The following RELN variants were observed in gnomAD, a reference collection of about 807,000 sequenced individuals.
RELN encodes the protein reelin.
Under a neutral mutation model 427.6 loss-of-function variants are expected in RELN, and 108 were observed. The observed-to-expected ratio is 0.25, with a 90% CI of 0.22 to 0.30. The LOEUF (loss-of-function observed/expected upper bound fraction) is 0.30, where lower values mean the gene tolerates loss of function less well. Ranked by LOEUF, RELN falls within the 10% of genes least tolerant of loss-of-function variation. The pLI is 1.00. For synonymous variants in RELN, 1,524 were observed against 1,513.4 expected, an observed-to-expected ratio of 1.01 and a Z score of -0.16; for missense variants, 3,715 against 4,302.8, an observed-to-expected ratio of 0.86 and a Z score of 3.82.
At chr7:103,986,199 C>T (rs1297078916) in intron 1 of RELN, among the ~76,000 whole-genome samples, 2 of 152,008 alleles carry the variant, frequency 1.3e-5, no homozygotes, top group African/African-American at 4.8e-5. Context: ...TCAAAAGAGT[C>T]AGAGATAACA....
chr7:103,907,411 T>A (rs1463554502), intron 2 of RELN, among the ~76,000 whole-genome samples: 1 of 36,186 alleles, frequency 2.8e-5, no homozygotes, highest in African/African-American at 1.1e-4. Flanking sequence ...AGATCAAGGC[T>A]CTGGAAAAAA....
intron 11 of RELN, among the ~76,000 whole-genome samples, chr7:103,662,479 T>C (rs1833164673): frequency 1.3e-5 from 2 of 151,502 alleles, no homozygotes. Context: ...AAAATTAGCT[T>C]GGTGTGGTGG....
At position 103,561,385 on chromosome 7, in the gene RELN, G is replaced by A. The variant is rs362797; in HGVS notation, c.5529+147C>T. Reference sequence around the variant, plus strand: ...GAAAAAATGATTGCACTCAGAAGAGGAAACATGGTTTGGGCTAAAAGTCAA... The same window carrying A: ...GAAAAAATGATTGCACTCAGAAGAGAAAACATGGTTTGGGCTAAAAGTCAA... On this transcript the variant is annotated intron_variant, in intron 36 of 64. Coordinates refer to ENST00000428762, the MANE Select transcript of RELN (RefSeq NM_005045.4). The A allele has an allele frequency of 0.24, 176,185 of 744,238 alleles. 22,012 individuals are homozygous for A. The highest frequency in any genetic ancestry group is 0.31 in the Middle Eastern group (826 of 2,674). 46.1% of individuals were successfully genotyped at this position (744,238 alleles called of 1,614,324 possible).
intron 10 of RELN, among the ~76,000 whole-genome samples, chr7:103,685,690 T>G (rs1833751643): frequency 6.6e-6 from 1 of 152,172 alleles, no homozygotes; most frequent in African/African-American, 2.4e-5. Flanking sequence ...TTCTAAGTAC[T>G]AGTAGGTTAC....
At chr7:103,874,665 T>C (rs1355537080) in intron 2 of RELN, among the ~76,000 whole-genome samples, 5 of 148,212 alleles carry the variant, frequency 3.4e-5, no homozygotes, top group Non-Finnish European at 3.0e-5. Flanking sequence ...GTGAAGGACC[T>C]CTTCAAGGAG....
intron 6 of RELN, among the ~76,000 whole-genome samples, chr7:103,738,230 G>T (rs651488): frequency 5.3e-5 from 8 of 150,934 alleles, no homozygotes; most frequent in African/African-American, 2.0e-4. Context: ...AAGCATTAAA[G>T]GGATAACTTA....
intron 20 of RELN, among the ~76,000 whole-genome samples, chr7:103,619,808 A>G (rs1271521130): frequency 1.3e-5 from 2 of 152,122 alleles, no homozygotes; most frequent in African/African-American, 2.4e-5. Flanking sequence ...GGAAGAATCA[A>G]TCCTCACAGC....
At chr7:103,915,683 T>C (rs532676340) in intron 2 of RELN, among the ~76,000 whole-genome samples, 41 of 152,238 alleles carry the variant, frequency 2.7e-4, no homozygotes, top group Admixed American at 2.0e-3. Flanking sequence ...GAGGTTTTAA[T>C]TGGACTAGGC....
At chr7:103,695,352 C>A (rs528928007) in intron 10 of RELN, among the ~76,000 whole-genome samples, 1 of 152,018 alleles carries the variant, frequency 6.6e-6, no homozygotes, top group African/African-American at 2.4e-5. Context: ...TTCTACTTAA[C>A]GGCCAAGTCA....
At chr7:103,878,346 T>C (rs936480261) in intron 2 of RELN, among the ~76,000 whole-genome samples, 1 of 152,204 alleles carries the variant, frequency 6.6e-6, no homozygotes, top group Non-Finnish European at 1.5e-5. Flanking sequence ...TTAGTCAACA[T>C]TGTATCTTTG....
At chr7:103,972,474 A>G (rs1243392217) in intron 1 of RELN, among the ~76,000 whole-genome samples, 1 of 152,182 alleles carries the variant, frequency 6.6e-6, no homozygotes, top group Non-Finnish European at 1.5e-5. Flanking sequence ...ATTCTACAAT[A>G]TTTCTTAGAA....
intron 8 of RELN, among the ~76,000 whole-genome samples, chr7:103,721,565 A>G (rs1340188866): frequency 6.6e-6 from 1 of 152,162 alleles, no homozygotes; most frequent in Non-Finnish European, 1.5e-5. Context: ...TCTATGCCAT[A>G]TTAGCAGTAT....
chr7:103,556,769 T>TA (rs1284116223), intron 38 of RELN, among the ~76,000 whole-genome samples: 3 of 152,216 alleles, frequency 2.0e-5, no homozygotes, highest in Non-Finnish European at 4.4e-5. Context: ...TAAGTCCGAT[T>TA]AAACCTCTTT....
At chr7:103,954,498 T>C (rs764041273) in intron 1 of RELN, among the ~76,000 whole-genome samples, 1 of 152,162 alleles carries the variant, frequency 6.6e-6, no homozygotes, top group East Asian at 1.9e-4. Flanking sequence ...TTTTCCTTTA[T>C]TGGGAAAAAG....
At chr7:103,651,452 A>C (rs1832911870) in intron 15 of RELN, among the ~76,000 whole-genome samples, 1 of 152,114 alleles carries the variant, frequency 6.6e-6, no homozygotes, top group Admixed American at 6.6e-5. Context: ...GTACATAAAG[A>C]ATGAATGGCC....
intron 35 of RELN, 29 bp downstream of exon 35, chr7:103,561,784 G>A: frequency 6.2e-7 from 1 of 1,613,852 alleles, no homozygotes; most frequent in Non-Finnish European, 8.5e-7. Context: ...GCGTTACAAA[G>A]AAAGAAACTG....
At chr7:103,768,694 T>C (rs1434226203) in intron 4 of RELN, among the ~76,000 whole-genome samples, 3 of 152,204 alleles carry the variant, frequency 2.0e-5, no homozygotes, top group Non-Finnish European at 2.9e-5. Flanking sequence ...AGTTAAATCA[T>C]GGTTCCTGCC....
chr7:103,790,820 G>C (rs1471542807), intron 3 of RELN, among the ~76,000 whole-genome samples: 2 of 152,102 alleles, frequency 1.3e-5, no homozygotes, highest in African/African-American at 4.8e-5. Context: ...AAATCAGCCA[G>C]GTGTGGTGGT....
At chr7:103,750,784 A>C (rs10243065) in intron 5 of RELN, among the ~76,000 whole-genome samples, 4,836 of 152,294 alleles carry the variant, frequency 0.032, 258 homozygotes, top group African/African-American at 0.11. Context: ...TATCTATATA[A>C]GTAAAATTCC....
Sources: gnomAD v4.1 joint callset for allele counts (sites outside exome capture counted in the v4.1 genomes callset) on GRCh38, gnomAD v4.1.1 for gene constraint, MANE v1.5 for transcripts, NCBI Gene and HGNC (gene_info 2026-07-23, HGNC 2026-07-21) for gene names.